CCDC66: variants seen among roughly 807,000 people sequenced by gnomAD.
CCDC66 encodes the protein coiled-coil domain-containing protein 66.
Under a neutral mutation model 128.3 loss-of-function variants are expected in CCDC66, and 133 were observed. The ratio of observed to expected loss-of-function variants is 1.04; its 90% confidence interval spans 0.90 to 1.20. The LOEUF is 1.20. Ranked by LOEUF, CCDC66 falls within the 50% of genes most tolerant of loss-of-function variation. CCDC66 has a pLI of 0.00. For missense variants in CCDC66, 1,126 were observed against 1,075.5 expected (o/e 1.05, Z -0.66); for synonymous variants, 387 against 357.0 (o/e 1.08, Z -0.95).
At chr3:56,572,681 T>A (rs2066807326) in intron 7 of CCDC66, 1 of 166,842 alleles carries the variant, frequency 6.0e-6, no homozygotes, top group African/African-American at 2.4e-5. Context: ...TGGTAGAAAT[T>A]TTTGGCACTA....
Position 56,621,788 on chromosome 3 carries a change from A to C in CCDC66, c.*170A>C. The C allele has an allele frequency of 2.9e-6, 1 of 344,168 alleles. No homozygotes were observed. Among genetic ancestry groups the C allele is most frequent in the Non-Finnish European group, 5.2e-6 (1 of 192,622 alleles). 21.3% of individuals were successfully genotyped at this position (344,168 alleles called of 1,614,324 possible). ...TGCTGTACTTGTTCTATACAATAAAACAGATACTTCTTTTGTAAAAGCTTA... is the reference window on the plus strand; with the variant it reads ...TGCTGTACTTGTTCTATACAATAAACCAGATACTTCTTTTGTAAAAGCTTA... On this transcript the variant is annotated 3_prime_UTR_variant, in exon 18 of 18. Transcript: ENST00000394672.
intron 13 of CCDC66, 40 bp downstream of exon 13, chr3:56,616,093 T>G (rs2075463818): frequency 6.5e-7 from 1 of 1,529,144 alleles, no homozygotes; most frequent in African/African-American, 1.4e-5. Flanking sequence ...AAAATTTACT[T>G]AAAGTCATAA....
Position 56,566,953 on chromosome 3 carries a change from G to A in CCDC66, c.714G>A (p.Glu238=). The part of the protein sequence containing the change: ...SKQCEQKIAI[E]NEWKPADIFS... ...TATCTTTTGTGTTTTACCTTAGAGA[G>A]AATGAATGGAAACCAGCTGATATAT... Residue 238 remains glutamate, a synonymous_variant, in exon 6 of 18, where the codon GAG becomes GAA. Coordinates refer to ENST00000394672, the MANE Select transcript of CCDC66 (RefSeq NM_001141947.3). The A allele has an allele frequency of 6.2e-7, 1 of 1,612,286 alleles. No individual in the cohort carries two copies. The highest frequency in any genetic ancestry group is 8.5e-7 in the Non-Finnish European group (1 of 1,178,632).
chr3:56,617,242 C>T lies in CCDC66; in HGVS notation c.1974C>T (p.Asn658=). The T allele has an allele frequency of 6.2e-7, 1 of 1,613,672 alleles. No individual in the cohort carries two copies. The highest frequency in any genetic ancestry group is 8.5e-7 in the Non-Finnish European group (1 of 1,179,876). Residue 658 remains asparagine (N), a synonymous_variant, in exon 14 of 18, where the codon AAC becomes AAT. Transcript: ENST00000394672. The part of the protein sequence containing the change: ...ELIGQFSTKK[N]KQELTQDKGA... ...TTGGACAGTTTAGCACCAAGAAAAA[C>T]AAGCAAGAACTAACTCAGGATAAAG...
chr3:56,609,173 C>A (rs1445602724), intron 10 of CCDC66, among the ~76,000 whole-genome samples: 1 of 152,138 alleles, frequency 6.6e-6, no homozygotes, highest in Admixed American at 6.5e-5. Flanking sequence ...GACTTTCTGT[C>A]TTGATGACCT....
intron 12 of CCDC66, chr3:56,615,516 GGT>G (rs1344335255): frequency 2.4e-6 from 1 of 408,838 alleles, no homozygotes; most frequent in Non-Finnish European, 4.3e-6. Flanking sequence ...TGGGATTACA[GGT>G]GTGAGTCACT....
At chr3:56,618,583 T>C (rs1438208042) in intron 15 of CCDC66, 6 of 196,464 alleles carry the variant, frequency 3.1e-5, no homozygotes. Flanking sequence ...AGTCAGTTAA[T>C]GAGAGATTTA....
intron 10 of CCDC66, among the ~76,000 whole-genome samples, chr3:56,598,154 GTTTGT>G (rs2072468020): frequency 4.1e-4 from 7 of 17,256 alleles, no homozygotes; most frequent in Admixed American, 3.7e-3. Flanking sequence ...GTTTTGTTTT[GTTTGT>G]TTGTTTGTTT....
chr3:56,589,756 A>G (rs984215529), intron 7 of CCDC66, among the ~76,000 whole-genome samples: 3 of 152,180 alleles, frequency 2.0e-5, no homozygotes, highest in Admixed American at 2.0e-4. Flanking sequence ...TTTGCAGATT[A>G]ATCCTTGATA....
intron 3 of CCDC66, among the ~76,000 whole-genome samples, chr3:56,562,906 C>G (rs1030424771): frequency 6.6e-6 from 1 of 151,784 alleles, no homozygotes; most frequent in African/African-American, 2.4e-5. Context: ...CTCGGCCTCC[C>G]AAAGTGCTGG....
intron 10 of CCDC66, among the ~76,000 whole-genome samples, chr3:56,594,600 A>T (rs985034195): frequency 2.6e-5 from 4 of 151,774 alleles, no homozygotes; most frequent in Admixed American, 6.6e-5. Flanking sequence ...GGAGAATGGC[A>T]TGAACCTGGG....
At chr3:56,587,499 A>G (rs1454784316) in intron 7 of CCDC66, among the ~76,000 whole-genome samples, 1 of 152,142 alleles carries the variant, frequency 6.6e-6, no homozygotes, top group African/African-American at 2.4e-5. Context: ...CAGGACCAAG[A>G]GAGAAGTAGC....
Position 56,619,350 on chromosome 3 carries a change from AG to A in CCDC66, c.2459del (p.Ser820IlefsTer8). On this transcript the variant is annotated frameshift_variant, in exon 16 of 18. Transcript: ENST00000394672. LOFTEE classifies it high-confidence loss of function. ...QNTLHLPLKN[S>X]SYERENLISG... ...TACATTACATTTACCACTAAAAAAC[AG>A]TAGCTATGAGAGAGAGAATTTGATC... The A allele has an allele frequency of 6.2e-7, 1 of 1,613,982 alleles. No homozygotes were observed. The highest frequency in any genetic ancestry group is 1.1e-5 in the South Asian group (1 of 91,072).
rs577166149 is a variant in CCDC66, at chr3:56,618,431, A to G, written c.2378+219A>G. 110 of 464,930 alleles carry G rather than the reference A, an allele frequency of 2.4e-4. 1 individual carries two copies. The South Asian group carries it at 4.7e-3, about 20-fold the overall frequency. 28.8% of individuals were successfully genotyped at this position (464,930 alleles called of 1,614,324 possible). On this transcript the variant is annotated intron_variant, in intron 15 of 17. Coordinates refer to ENST00000394672, the MANE Select transcript of CCDC66 (RefSeq NM_001141947.3). ...GGGCCTAGGCAGGAATGTAGATAAC[A>G]TTTACTTTTATCTCTAGACTTAACT...
Position 56,617,237 on chromosome 3 carries a change from A to G in CCDC66, c.1969A>G (p.Lys657Glu), listed in dbSNP as rs777313548. Residue 657 changes from lysine to glutamate, a missense_variant, in exon 14 of 18, where the codon AAA becomes GAA. Coordinates refer to ENST00000394672, the MANE Select transcript of CCDC66 (RefSeq NM_001141947.3). ...ACTTATTGGACAGTTTAGCACCAAG[A>G]AAAACAAGCAAGAACTAACTCAGGA... The part of the protein sequence containing the change: ...AELIGQFSTK[K>E]NKQELTQDKG... The G allele has an allele frequency of 1.2e-6, 2 of 1,614,064 alleles. No homozygotes were observed. The highest frequency in any genetic ancestry group is 1.7e-6 in the Non-Finnish European group (2 of 1,180,002).
intron 3 of CCDC66, among the ~76,000 whole-genome samples, chr3:56,562,979 C>G (rs1195864367): frequency 6.6e-6 from 1 of 152,004 alleles, no homozygotes; most frequent in Non-Finnish European, 1.5e-5. Context: ...TTACTTTTCT[C>G]TGATTTGTTC....
At chr3:56,566,517 A>T in intron 4 of CCDC66, 77 bp from the exon 5 acceptor site, 1 of 901,078 alleles carries the variant, frequency 1.1e-6, no homozygotes, top group Non-Finnish European at 1.7e-6. Context: ...GACATGTAAG[A>T]ACTGTATAGC....
intron 10 of CCDC66, among the ~76,000 whole-genome samples, chr3:56,600,748 T>A (rs1238970160): frequency 2.0e-5 from 3 of 152,144 alleles, no homozygotes; most frequent in Non-Finnish European, 4.4e-5. Flanking sequence ...TGAGCTTTTC[T>A]CCATATGTTT....
chr3:56,588,216 A>G (rs1195500171), intron 7 of CCDC66, among the ~76,000 whole-genome samples: 3 of 152,216 alleles, frequency 2.0e-5, no homozygotes, highest in Non-Finnish European at 2.9e-5. Flanking sequence ...AAAACCAAAC[A>G]TCTTATGTTC....
Sources: allele counts gnomAD v4.1 joint callset (sites outside exome capture counted in the v4.1 genomes callset), GRCh38; gene constraint gnomAD v4.1.1; transcripts MANE v1.5; gene names NCBI Gene and HGNC (gene_info 2026-07-23, HGNC 2026-07-21).